TAS2R1: variants seen among roughly 807,000 people sequenced by gnomAD.
The protein encoded by TAS2R1 is taste 2 receptor member 1, also known as taste receptor type 2 member 1.
For missense variants in TAS2R1, 370 were observed against 353.4 expected (o/e 1.05, Z -0.38); for synonymous variants, 141 against 134.2 (o/e 1.05, Z -0.35).
the TAS2R1 span, among the ~76,000 whole-genome samples, chr5:9,815,954 A>G: frequency 6.6e-6 from 1 of 152,184 alleles, no homozygotes; most frequent in Non-Finnish European, 1.5e-5. Flanking sequence ...AGGCATTTTT[A>G]TCCTTTTTAA....
chr5:9,857,057 C>T, the TAS2R1 span, among the ~76,000 whole-genome samples: 1 of 152,140 alleles, frequency 6.6e-6, no homozygotes, highest in Non-Finnish European at 1.5e-5. Context: ...TGCATGTTCT[C>T]ACTGATTCAT....
At chr5:9,814,335 G>T in the TAS2R1 span, among the ~76,000 whole-genome samples, 1 of 151,910 alleles carries the variant, frequency 6.6e-6, no homozygotes, top group Non-Finnish European at 1.5e-5. Flanking sequence ...AAAATGCTAA[G>T]AATTTTTTCT....
the TAS2R1 span, chr5:9,902,649 T>C: frequency 6.6e-6 from 1 of 152,012 alleles, no homozygotes; most frequent in African/African-American, 2.4e-5. Context: ...AATCACAACT[T>C]ACTGGAGCAG....
chr5:9,775,214 T>C, the TAS2R1 span, among the ~76,000 whole-genome samples: 1 of 152,182 alleles, frequency 6.6e-6, no homozygotes, highest in African/African-American at 2.4e-5. Context: ...TCCACCGCCA[T>C]CCCAGGCCTG....
the TAS2R1 span, among the ~76,000 whole-genome samples, chr5:9,855,491 C>A: frequency 6.6e-6 from 1 of 152,182 alleles, no homozygotes; most frequent in African/African-American, 2.4e-5. Context: ...CAGAGAGAGA[C>A]AGAGAGAGCG....
the TAS2R1 span, among the ~76,000 whole-genome samples, chr5:9,748,536 C>T: frequency 5.9e-5 from 9 of 152,052 alleles, no homozygotes. Flanking sequence ...TCATGGAGCC[C>T]TCAGGCGCTT....
chr5:9,688,130 C>T (rs1741163905), intron 1 of TAS2R1, among the ~76,000 whole-genome samples: 1 of 152,124 alleles, frequency 6.6e-6, no homozygotes, highest in African/African-American at 2.4e-5. Flanking sequence ...ATGACATATT[C>T]TAATTAGGAA....
chr5:9,636,881 T>C (rs2126478291), intron 2 of TAS2R1, among the ~76,000 whole-genome samples: 1 of 152,238 alleles, frequency 6.6e-6, no homozygotes, highest in African/African-American at 2.4e-5. Flanking sequence ...CATTCTGCCA[T>C]TCTGGGTCTT....
the TAS2R1 span, among the ~76,000 whole-genome samples, chr5:9,861,018 G>A: frequency 1.0e-5 from 1 of 97,292 alleles, no homozygotes; most frequent in South Asian, 3.2e-4. Context: ...GACTGTAATG[G>A]ACAATCTGGG....
the TAS2R1 span, among the ~76,000 whole-genome samples, chr5:9,850,974 T>C: frequency 6.6e-6 from 1 of 152,166 alleles, no homozygotes; most frequent in Non-Finnish European, 1.5e-5. Flanking sequence ...TTTAAAGTTT[T>C]GGCTGGTGGC....
At chr5:9,870,076 T>C in the TAS2R1 span, 3 of 152,246 alleles carry the variant, frequency 2.0e-5, no homozygotes, top group Non-Finnish European at 4.4e-5. Flanking sequence ...AGCCTTTTTA[T>C]AACAGAGCTA....
chr5:9,842,946 AT>A, the TAS2R1 span, among the ~76,000 whole-genome samples: 1 of 152,120 alleles, frequency 6.6e-6, no homozygotes, highest in African/African-American at 2.4e-5. Context: ...AAAACCATGA[AT>A]TTGGGCTTAT....
chr5:9,705,544 G>A (rs1741586747), intron 1 of TAS2R1, among the ~76,000 whole-genome samples: 1 of 152,092 alleles, frequency 6.6e-6, no homozygotes, highest in African/African-American at 2.4e-5. Context: ...GTCTGGGATT[G>A]AAGGGTTTCT....
At chr5:9,681,752 A>G (rs1242531890) in intron 1 of TAS2R1, among the ~76,000 whole-genome samples, 2 of 152,166 alleles carry the variant, frequency 1.3e-5, no homozygotes, top group African/African-American at 2.4e-5. Context: ...ATTACAATTT[A>G]GTCCTGCTTC....
chr5:9,869,745 A>C, the TAS2R1 span, among the ~76,000 whole-genome samples: 1 of 152,194 alleles, frequency 6.6e-6, no homozygotes, highest in East Asian at 1.9e-4. Context: ...TTTCCCCATG[A>C]CTTTGCCCTA....
chr5:9,672,495 A>T (rs1470926322), intron 1 of TAS2R1, among the ~76,000 whole-genome samples: 2 of 152,220 alleles, frequency 1.3e-5, no homozygotes, highest in Non-Finnish European at 2.9e-5. Flanking sequence ...CATTTTCAAG[A>T]GAAGACATAC....
At chr5:9,646,461 G>C (rs1385589186) in intron 2 of TAS2R1, among the ~76,000 whole-genome samples, 4 of 152,132 alleles carry the variant, frequency 2.6e-5, no homozygotes, top group Admixed American at 6.5e-5. Context: ...CATTGGATTG[G>C]ACACATGGAA....
At chr5:9,741,983 C>G in the TAS2R1 span, among the ~76,000 whole-genome samples, 2 of 152,154 alleles carry the variant, frequency 1.3e-5, no homozygotes, top group South Asian at 4.2e-4. Context: ...ACAACCTCTG[C>G]CTCCTGGGGT....
At chr5:9,798,636 C>G in the TAS2R1 span, among the ~76,000 whole-genome samples, 1 of 152,186 alleles carries the variant, frequency 6.6e-6, no homozygotes, top group African/African-American at 2.4e-5. Flanking sequence ...ATGCTGTGAG[C>G]TTTGGTTAAC....
Sources: gnomAD v4.1 joint callset for allele counts (sites outside exome capture counted in the v4.1 genomes callset) on GRCh38, gnomAD v4.1.1 for gene constraint, MANE v1.5 for transcripts, NCBI Gene and HGNC (gene_info 2026-07-23, HGNC 2026-07-21) for gene names.